ADAMTS9: variants seen among roughly 807,000 people sequenced by gnomAD.
ADAMTS9 encodes A disintegrin and metalloproteinase with thrombospondin motifs 9.
ADAMTS9 carries 107 observed loss-of-function variants against 257.1 expected under a neutral mutation model. The ratio of observed to expected loss-of-function variants is 0.42; its 90% CI spans 0.36 to 0.49. The LOEUF is 0.49. Ranked by LOEUF, ADAMTS9 falls within the 20% of genes least tolerant of loss-of-function variation. The probability of loss-of-function intolerance (pLI) is 0.03; values close to 1 mark genes in which losing one functional copy is unlikely to be tolerated. For synonymous variants in ADAMTS9, 982 were observed against 880.9 expected, an observed-to-expected ratio of 1.11 and a Z score of -2.03; for missense variants, 2,353 against 2,469.1, an observed-to-expected ratio of 0.95 and a Z score of 1.00.
intron 30 of ADAMTS9, among the ~76,000 whole-genome samples, chr3:64,554,815 C>T (rs370218081): frequency 2.6e-5 from 4 of 152,122 alleles, no homozygotes; most frequent in Non-Finnish European, 4.4e-5. Flanking sequence ...AGAACTTCTC[C>T]GAATTTGAGG....
intron 13 of ADAMTS9, 41 bp from the exon 14 acceptor site, chr3:64,633,649 C>T (rs1215068390): frequency 6.2e-7 from 1 of 1,613,798 alleles, no homozygotes; most frequent in Admixed American, 1.7e-5. Flanking sequence ...TTGTGCCTGG[C>T]CTCAGTGCCG....
intron 30 of ADAMTS9, among the ~76,000 whole-genome samples, chr3:64,554,456 A>C (rs2083306333): frequency 6.6e-6 from 1 of 152,298 alleles, no homozygotes; most frequent in South Asian, 2.1e-4. Flanking sequence ...TCAGAAAACA[A>C]ATCGAGTCCA....
intron 27 of ADAMTS9, 95 bp from the exon 28 acceptor site, chr3:64,594,529 G>T (rs2084325903): frequency 6.7e-7 from 1 of 1,486,020 alleles, no homozygotes; most frequent in South Asian, 1.3e-5. Context: ...CTCAATTATG[G>T]CATTGGGCAA....
At chr3:64,594,754 T>C (rs2106790996) in intron 27 of ADAMTS9, among the ~76,000 whole-genome samples, 1 of 152,294 alleles carries the variant, frequency 6.6e-6, no homozygotes, top group African/African-American at 2.4e-5. Context: ...GTTAATTAAC[T>C]CGATCAAGTC....
chr3:64,627,043 C>A (rs1700239957), intron 16 of ADAMTS9, among the ~76,000 whole-genome samples: 1 of 152,144 alleles, frequency 6.6e-6, no homozygotes, highest in African/African-American at 2.4e-5. Flanking sequence ...CAAAATCACC[C>A]AGTTCTTTCA....
intron 10 of ADAMTS9, 78 bp from the exon 11 acceptor site, chr3:64,648,122 A>T: frequency 7.7e-7 from 1 of 1,299,754 alleles, no homozygotes; most frequent in East Asian, 2.4e-5. Context: ...GCTTGCTTTC[A>T]ACTAATGTTT....
chr3:64,610,674 G>A (rs2084648661), intron 22 of ADAMTS9, among the ~76,000 whole-genome samples: 1 of 152,030 alleles, frequency 6.6e-6, no homozygotes, highest in Admixed American at 6.6e-5. Context: ...TTTAAAAAGG[G>A]AAAATAACAA....
intron 28 of ADAMTS9, among the ~76,000 whole-genome samples, chr3:64,578,774 T>C (rs1421831778): frequency 2.0e-5 from 3 of 152,178 alleles, no homozygotes; most frequent in African/African-American, 2.4e-5. Flanking sequence ...ACGGGAGTCA[T>C]TGTGACCCCT....
At chr3:64,539,382 AG>A (rs1424599846) in intron 36 of ADAMTS9, 88 bp from the exon 37 acceptor site, 11 of 1,103,050 alleles carry the variant, frequency 1.0e-5, no homozygotes, top group Non-Finnish European at 1.2e-5. Flanking sequence ...AGGAGACAGA[AG>A]GGAAGAAGAA....
intron 22 of ADAMTS9, among the ~76,000 whole-genome samples, chr3:64,610,402 A>C (rs1204896750): frequency 6.6e-6 from 1 of 152,184 alleles, no homozygotes; most frequent in Admixed American, 6.5e-5. Flanking sequence ...ACAACGAGAA[A>C]AACAGATCAA....
chr3:64,609,939 A>G (rs1576113993), intron 22 of ADAMTS9, among the ~76,000 whole-genome samples: 1 of 152,178 alleles, frequency 6.6e-6, no homozygotes, highest in East Asian at 1.9e-4. Flanking sequence ...CTGACATAAA[A>G]TCTAGAGTCC....
intron 3 of ADAMTS9, among the ~76,000 whole-genome samples, chr3:64,666,711 C>T (rs1469116636): frequency 6.6e-6 from 1 of 152,180 alleles, no homozygotes; most frequent in African/African-American, 2.4e-5. Context: ...GCCCTTAAAG[C>T]AGGGCATGAC....
intron 3 of ADAMTS9, among the ~76,000 whole-genome samples, chr3:64,674,300 A>G (rs1406784873): frequency 1.3e-5 from 2 of 152,214 alleles, no homozygotes; most frequent in Admixed American, 1.3e-4. Context: ...AACACCGATG[A>G]AGAACAAAAA....
At chr3:64,665,981 A>G (rs896423656) in intron 3 of ADAMTS9, among the ~76,000 whole-genome samples, 6 of 152,236 alleles carry the variant, frequency 3.9e-5, no homozygotes, top group African/African-American at 1.4e-4. Flanking sequence ...ATTTTGTGCC[A>G]AGTACTGGGC....
intron 16 of ADAMTS9, among the ~76,000 whole-genome samples, chr3:64,628,863 A>G (rs1356287857): frequency 2.0e-5 from 3 of 152,216 alleles, no homozygotes; most frequent in African/African-American, 7.2e-5. Flanking sequence ...TGTAGGCTTC[A>G]TATCAGTAGC....
intron 28 of ADAMTS9, among the ~76,000 whole-genome samples, chr3:64,569,830 G>C (rs577016829): frequency 6.6e-6 from 1 of 152,212 alleles, no homozygotes; most frequent in East Asian, 1.9e-4. Flanking sequence ...TTATGATTTG[G>C]AGTAGTCATT....
At chr3:64,601,867 A>G (rs1256547274) in intron 26 of ADAMTS9, 77 bp downstream of exon 26, 2 of 1,489,552 alleles carry the variant, frequency 1.3e-6, no homozygotes, top group Admixed American at 4.5e-5. Flanking sequence ...ATATGCTCTA[A>G]AGGTGTTTCT....
chr3:64,555,340 AAAT>A (rs1444929282), intron 30 of ADAMTS9, among the ~76,000 whole-genome samples: 1 of 152,144 alleles, frequency 6.6e-6, no homozygotes, highest in African/African-American at 2.4e-5. Flanking sequence ...AAGGAGGCAG[AAAT>A]AATACTATGG....
intron 21 of ADAMTS9, 25 bp downstream of exon 21, chr3:64,615,296 G>A (rs2084740561): frequency 5.0e-6 from 8 of 1,610,318 alleles, no homozygotes; most frequent in Non-Finnish European, 6.8e-6. Context: ...ATGACCTAGG[G>A]GAAATAACAG....
Sources: gnomAD v4.1 joint callset for allele counts (sites outside exome capture counted in the v4.1 genomes callset) on GRCh38, gnomAD v4.1.1 for gene constraint, MANE v1.5 for transcripts, NCBI Gene and HGNC (gene_info 2026-07-23, HGNC 2026-07-21) for gene names.